Variants in CTNNA2 observed in about 807,000 individuals in gnomAD.
CTNNA2 encodes the protein catenin alpha 2, also known as catenin alpha-2.
In CTNNA2, 42 loss-of-function variants were observed where a neutral mutation model predicts 101.0. The ratio of observed to expected loss-of-function variants is 0.42; its 90% CI spans 0.32 to 0.54. The LOEUF (loss-of-function observed/expected upper bound fraction) is 0.54. Ranked by LOEUF, CTNNA2 falls within the 20% of genes least tolerant of loss-of-function variation. The pLI, the probability that CTNNA2 is intolerant of heterozygous loss-of-function variation, is 0.14. For missense variants in CTNNA2, 871 were observed against 1,223.1 expected (o/e 0.71, Z 4.29); for synonymous variants, 450 against 456.4 (o/e 0.99, Z 0.18).
At chr2:79,218,562 C>T (rs1020338869) in intron 2 of CTNNA2, among the ~76,000 whole-genome samples, 5 of 152,040 alleles carry the variant, frequency 3.3e-5, no homozygotes, top group Admixed American at 6.6e-5. Flanking sequence ...AAGAGACTCT[C>T]ATTTAGGACA....
At chr2:80,366,058 G>T (rs1674903619) in intron 7 of CTNNA2, among the ~76,000 whole-genome samples, 1 of 152,136 alleles carries the variant, frequency 6.6e-6, no homozygotes, top group Non-Finnish European at 1.5e-5. Context: ...AAGGTAATGG[G>T]ATTAGAATGT....
intron 9 of CTNNA2, among the ~76,000 whole-genome samples, chr2:80,519,113 T>C (rs1280287561): frequency 6.6e-6 from 1 of 151,168 alleles, no homozygotes; most frequent in Non-Finnish European, 1.5e-5. Flanking sequence ...CACCTCTCTT[T>C]CTCTTTTGTG....
intron 7 of CTNNA2, among the ~76,000 whole-genome samples, chr2:80,232,366 T>G (rs1007411808): frequency 0.026 from 1,596 of 61,044 alleles, 92 homozygotes; most frequent in African/African-American, 0.052. Context: ...TTTTTTTTTT[T>G]TTTTTTTTTT....
chr2:79,404,018 G>C (rs539542497), intron 4 of CTNNA2, among the ~76,000 whole-genome samples: 2 of 151,744 alleles, frequency 1.3e-5, no homozygotes, highest in Non-Finnish European at 2.9e-5. Context: ...GTTATTTTGA[G>C]CTAGTTCCGT....
intron 3 of CTNNA2, among the ~76,000 whole-genome samples, chr2:79,819,307 C>T (rs1207948440): frequency 6.6e-6 from 1 of 152,152 alleles, no homozygotes; most frequent in Non-Finnish European, 1.5e-5. Context: ...GTAGAGAACT[C>T]CTTCCTCTGT....
At chr2:79,260,645 T>C (rs1342208124) in intron 2 of CTNNA2, among the ~76,000 whole-genome samples, 1 of 152,182 alleles carries the variant, frequency 6.6e-6, no homozygotes, top group Non-Finnish European at 1.5e-5. Context: ...AGCAAGTTTG[T>C]CTTCAGGTTC....
intron 1 of CTNNA2, among the ~76,000 whole-genome samples, chr2:79,627,173 C>A (rs1281494539): frequency 5.9e-5 from 9 of 152,204 alleles, no homozygotes. Context: ...ACAGACTTGC[C>A]TCTAAAGATG....
rs77742147 is a variant in CTNNA2, at chr2:80,237,125, A to G, written c.1057-156086A>G. Among the ~76,000 whole-genome samples, 932 of 152,304 alleles carry G rather than the reference A, an allele frequency of 6.1e-3. 13 individuals carry two copies. Among genetic ancestry groups the G allele is most frequent in the African/African-American group, 0.021 (881 of 41,570 alleles). On this transcript the variant is annotated intron_variant, in intron 7 of 18. Coordinates refer to ENST00000402739, the MANE Select transcript of CTNNA2 (RefSeq NM_001282597.3). ...TCCTTAGATCAGAAAACACAGCCAC[A>G]AAGACATGAGTTCAGAATAAGTGTC...
intron 1 of CTNNA2, among the ~76,000 whole-genome samples, chr2:79,584,412 GT>G: frequency 6.6e-6 from 1 of 150,988 alleles, no homozygotes; most frequent in South Asian, 2.1e-4. Flanking sequence ...GAATTCCTGG[GT>G]TTTTAATATA....
At chr2:80,146,709 G>GTTTTT (rs1384506245) in intron 7 of CTNNA2, among the ~76,000 whole-genome samples, 1 of 70,464 alleles carries the variant, frequency 1.4e-5, no homozygotes, top group Non-Finnish European at 3.2e-5. Context: ...AGTCCCCTCT[G>GTTTTT]GTTTTTTTTT....
At chr2:79,818,508 G>A (rs1375388272) in intron 3 of CTNNA2, among the ~76,000 whole-genome samples, 1 of 151,234 alleles carries the variant, frequency 6.6e-6, no homozygotes, top group Non-Finnish European at 1.5e-5. Context: ...GTAGAGACGG[G>A]GTTTCACCAT....
intron 7 of CTNNA2, among the ~76,000 whole-genome samples, chr2:80,127,043 G>A (rs186841414): frequency 5.9e-5 from 9 of 152,062 alleles, no homozygotes; most frequent in Non-Finnish European, 1.2e-4. Flanking sequence ...TCAGACAAAA[G>A]ACAGGAAACA....
intron 13 of CTNNA2, among the ~76,000 whole-genome samples, chr2:80,580,022 TTCAC>T (rs1250505556): frequency 6.6e-6 from 1 of 152,214 alleles, no homozygotes; most frequent in Non-Finnish European, 1.5e-5. Context: ...CTCACACTGA[TTCAC>T]TCACTCACTT....
At chr2:79,583,696 C>T (rs955578514) in intron 1 of CTNNA2, among the ~76,000 whole-genome samples, 10 of 152,030 alleles carry the variant, frequency 6.6e-5, no homozygotes, top group African/African-American at 1.9e-4. Context: ...TTGTTATTTT[C>T]GGTAATTAAA....
chr2:79,398,737 A>C (rs953903231), intron 4 of CTNNA2, among the ~76,000 whole-genome samples: 3 of 152,054 alleles, frequency 2.0e-5, no homozygotes, highest in African/African-American at 7.2e-5. Context: ...TTCCATAACA[A>C]TAACAGGGAT....
In CTNNA2 at chr2:80,346,355, A is replaced by T. The variant is rs1300138760; in HGVS notation, c.1057-46856A>T. On this transcript the variant is annotated intron_variant, in intron 7 of 18. Coordinates refer to ENST00000402739, the MANE Select transcript of CTNNA2 (RefSeq NM_001282597.3). ...AGGTGAAGTGGGAGCAGGCAAGAGTAAAAGAGAGAGAGTGCCCGGGGAGAG... is the reference window on the plus strand; with the variant it reads ...AGGTGAAGTGGGAGCAGGCAAGAGTTAAAGAGAGAGAGTGCCCGGGGAGAG... Among the ~76,000 whole-genome samples, 4 of 152,176 alleles carry T rather than the reference A, an allele frequency of 2.6e-5. No homozygotes were observed. In the East Asian group the frequency reaches 7.7e-4, roughly 29 times the overall value.
intron 3 of CTNNA2, among the ~76,000 whole-genome samples, chr2:79,338,256 A>AAAAAAAAAAT (rs1156282702): frequency 3.3e-5 from 5 of 151,260 alleles, no homozygotes; most frequent in Non-Finnish European, 5.9e-5. Flanking sequence ...AAAAAAAAAA[A>AAAAAAAAAAT]ATTGGTAGTC....
At chr2:79,341,470 G>C (rs1558635822) in intron 3 of CTNNA2, among the ~76,000 whole-genome samples, 1 of 152,148 alleles carries the variant, frequency 6.6e-6, no homozygotes, top group Non-Finnish European at 1.5e-5. Flanking sequence ...GTGTTATGCA[G>C]ACCTGGGTTT....
At chr2:80,348,756 T>TA (rs11381688) in intron 7 of CTNNA2, among the ~76,000 whole-genome samples, 60,221 of 151,484 alleles carry the variant, frequency 0.4, 14,633 homozygotes, top group African/African-American at 0.69. Context: ...GGTTCTGATT[T>TA]AAATAACAAC....
Sources: gnomAD v4.1 joint callset for allele counts (sites outside exome capture counted in the v4.1 genomes callset) on GRCh38, gnomAD v4.1.1 for gene constraint, MANE v1.5 for transcripts, NCBI Gene and HGNC (gene_info 2026-07-23, HGNC 2026-07-21) for gene names.